The following MTFR1L variants were observed in gnomAD, a reference collection of about 807,000 sequenced individuals.
MTFR1L encodes the protein mitochondrial fission regulator 1 like, also known as mitochondrial fission regulator 1-like.
A neutral mutation model predicts 27.9 loss-of-function variants in MTFR1L; 10 were observed. The ratio of observed to expected loss-of-function variants is 0.36; its 90% confidence interval spans 0.22 to 0.61. The LOEUF is 0.61. Among genes scored for constraint, MTFR1L ranks in the 20% least tolerant of loss-of-function variants. The pLI is 0.73. For synonymous variants in MTFR1L, 151 were observed against 139.4 expected (o/e 1.08, Z -0.58); for missense variants, 315 against 363.7 (o/e 0.87, Z 1.09).
In MTFR1L at chr1:25,826,400, T is replaced by C. The variant is rs1473166474; in HGVS notation, c.228T>C (p.Tyr76=). The change falls in exon 4 of 7, where the codon TAT becomes TAC. Residue 76 remains tyrosine, a synonymous_variant. Transcript: ENST00000374303. This position sits in a 1 kb window ranked among gnomAD's most constrained non-coding sequence, Gnocchi z 4.1. ...AWIAADEEET[Y]ARVRSDTRPL... ...TTGCTGCGGATGAAGAGGAGACATATGCCCGGGTCAGGTAGTTGAGGCAGT... is the reference window on the plus strand; with the variant it reads ...TTGCTGCGGATGAAGAGGAGACATACGCCCGGGTCAGGTAGTTGAGGCAGT... 3.1e-6 allele frequency: 5 copies of C among 1,614,014 alleles called. 1 individual carries two copies. Among genetic ancestry groups the C allele is most frequent in the Non-Finnish European group, 4.2e-6 (5 of 1,180,034 alleles).
chr1:25,819,994 C>T lies in MTFR1L; in HGVS notation c.-122C>T, dbSNP rs951615963. On this transcript the variant is annotated 5_prime_UTR_variant, in exon 1 of 7. Coordinates refer to ENST00000374303, the MANE Select transcript of MTFR1L (RefSeq NM_001099625.2). ...GGGCGGCCCAAGGTGGAAGGAGGGG[C>T]CGTGAGGTGAGAGAGTCCGGGAGCC... 4 of 340,248 alleles carry T rather than the reference C, an allele frequency of 1.2e-5. No homozygotes were observed. The highest frequency in any genetic ancestry group is 4.2e-5 in the Admixed American group (1 of 23,696). The allele number at this position is 340,248 out of a possible 1,614,324, so 21.1% of individuals were successfully genotyped here. A position where few individuals can be genotyped will look rare whatever the true frequency, so the allele number is the denominator to read the frequency against.
chr1:25,830,417 C>G (rs2048223152), intron 6 of MTFR1L, among the ~76,000 whole-genome samples: 1 of 152,162 alleles, frequency 6.6e-6, no homozygotes, highest in Admixed American at 6.5e-5. Context: ...AAAGTAGAAC[C>G]CCAAGGAGTG....
chr1:25,823,071 C>G lies in MTFR1L; in HGVS notation c.-34C>G. 6.2e-7 allele frequency: 1 copy of G among 1,614,178 alleles called. No homozygotes were observed. Among genetic ancestry groups the G allele is most frequent in the Non-Finnish European group, 8.5e-7 (1 of 1,180,030 alleles). On this transcript the variant is annotated 5_prime_UTR_variant, in exon 2 of 7. Transcript: ENST00000374303. ...CCCGCCTCCCGGAGCTGCCCAGTGG[C>G]TGCCTTGTCCTTCAAGTGCAGGAGC...
chr1:25,823,732 C>A lies in MTFR1L; in HGVS notation c.113C>A (p.Ala38Asp). The change falls in exon 3 of 7, where the codon GCC becomes GAC. Residue 38 changes from alanine (A) to aspartate (D), a missense_variant. By Grantham distance (126) the Ala-to-Asp change is moderately radical. Coordinates refer to ENST00000374303, the MANE Select transcript of MTFR1L (RefSeq NM_001099625.2). ...ACCAACCTACCCTTGAAGCCGTGTG[C>A]CCGGGCGTCCTTTGAGGTGAGTATG... ...IGTNLPLKPC[A>D]RASFETLPNI... is the part of the protein sequence containing the mutation. 7 of 1,613,914 alleles carry A rather than the reference C, an allele frequency of 4.3e-6. No homozygotes were observed. Among genetic ancestry groups the A allele is most frequent in the African/African-American group, 1.3e-5 (1 of 75,020 alleles).
At chr1:25,831,536 T>G (rs1489077811) in intron 6 of MTFR1L, among the ~76,000 whole-genome samples, 1 of 152,184 alleles carries the variant, frequency 6.6e-6, no homozygotes, top group Non-Finnish European at 1.5e-5. Context: ...CTGCTGACCC[T>G]CTGGGGAAAT....
rs755790862 is a variant in MTFR1L, at chr1:25,823,004, C to G, written c.-86-15C>G. 1.9e-6 allele frequency: 3 copies of G among 1,606,962 alleles called. No individual in the cohort carries two copies. The highest frequency in any genetic ancestry group is 1.1e-5 in the South Asian group (1 of 90,960). ...GGGGGTTGTTTCACAAGAGGGAAAT[C>G]TGGTGCTCCTCCAGATGGCCTGATA... On this transcript the variant is annotated splice_polypyrimidine_tract_variant and intron_variant, in intron 1 of 6. Coordinates refer to ENST00000374303, the MANE Select transcript of MTFR1L (RefSeq NM_001099625.2).
In MTFR1L at chr1:25,826,270, T is replaced by C. The variant is rs2048166705; in HGVS notation, c.130-32T>C. On this transcript the variant is annotated intron_variant, in intron 3 of 6. Transcript: ENST00000374303. This position sits in a 1 kb window ranked among gnomAD's most constrained non-coding sequence, Gnocchi z 4.1. ...TTTCTGATTGGCTCATCATGGCATCTGTAAATGTTGATGACTTTTGCTTCT... is the reference window on the plus strand; with the variant it reads ...TTTCTGATTGGCTCATCATGGCATCCGTAAATGTTGATGACTTTTGCTTCT... 1 of 1,591,998 alleles carries C rather than the reference T, an allele frequency of 6.3e-7. No individual in the cohort carries two copies.
rs371673961 is a variant in MTFR1L at position 25,823,738 on chromosome 1, C to T, written c.119C>T (p.Ala40Val). The T allele has an allele frequency of 1.2e-5, 19 of 1,613,706 alleles. No individual in the cohort carries two copies. The highest frequency in any genetic ancestry group is 6.7e-5 in the African/African-American group (5 of 74,878). Residue 40 changes from alanine (A) to valine (V), a missense_variant, in exon 3 of 7, where the codon GCG becomes GTG. By Grantham distance (64) the Ala-to-Val change is moderately conservative. Transcript: ENST00000374303. ...TNLPLKPCAR[A>V]SFETLPNISD... is the part of the protein sequence containing the mutation. Reference sequence around the variant, plus strand: ...CTACCCTTGAAGCCGTGTGCCCGGGCGTCCTTTGAGGTGAGTATGTTGGAA... The same window carrying T: ...CTACCCTTGAAGCCGTGTGCCCGGGTGTCCTTTGAGGTGAGTATGTTGGAA...
chr1:25,826,474 G>A lies in MTFR1L; in HGVS notation c.239+63G>A. ...AACTTCCCAGAAGAGGTGGCAGGCA[G>A]CAAGGAGAGAGGAATGAGAACTGTG... On this transcript the variant is annotated intron_variant, in intron 4 of 6. Transcript: ENST00000374303. This position sits in a 1 kb window ranked among gnomAD's most constrained non-coding sequence, Gnocchi z 4.1. The A allele has an allele frequency of 6.3e-7, 1 of 1,592,926 alleles. No individual in the cohort carries two copies. The highest frequency in any genetic ancestry group is 8.6e-7 in the Non-Finnish European group (1 of 1,160,912).
At position 25,826,119 on chromosome 1, in the gene MTFR1L, C is replaced by CCACCA. The variant is rs1232267698; in HGVS notation, c.130-182_130-178dup. ...CAAATGCTGGGATTACAGGTGTGAG[C>CCACCA]CACCATGCCTGACTGTCATCTGGCC... is the stretch of plus-strand genomic sequence containing the variant. On this transcript the variant is annotated intron_variant, in intron 3 of 6. Transcript: ENST00000374303. This position sits in a 1 kb window ranked among gnomAD's most constrained non-coding sequence, Gnocchi z 4.1. 7.1e-6 allele frequency: 4 copies of CCACCA among 564,560 alleles called. No homozygotes were observed. Among genetic ancestry groups the CCACCA allele is most frequent in the African/African-American group, 1.9e-5 (1 of 52,974 alleles). 35.0% of individuals were successfully genotyped at this position (564,560 alleles called of 1,614,324 possible).
At chr1:25,831,092 C>T (rs2048233888) in intron 6 of MTFR1L, among the ~76,000 whole-genome samples, 1 of 152,200 alleles carries the variant, frequency 6.6e-6, no homozygotes, top group South Asian at 2.1e-4. Flanking sequence ...GTCCTCAGAT[C>T]AGAAGGAGCT....
At chr1:25,820,104 CG>C in intron 1 of MTFR1L, 75 bp downstream of exon 1, 1 of 440,700 alleles carries the variant, frequency 2.3e-6, no homozygotes, top group South Asian at 1.6e-5. Flanking sequence ...GTCTACGTGC[CG>C]GGCGCTGTGC....
At chr1:25,820,304 C>T (rs1170645274) in intron 1 of MTFR1L, 1 of 455,898 alleles carries the variant, frequency 2.2e-6, no homozygotes, top group South Asian at 1.5e-5. Flanking sequence ...TGCCCCGCCG[C>T]GCATTCTGAG....
chr1:25,827,544 G>A (rs1049752565), intron 5 of MTFR1L, among the ~76,000 whole-genome samples: 6 of 151,952 alleles, frequency 3.9e-5, no homozygotes, highest in Non-Finnish European at 5.9e-5. Flanking sequence ...AGGCTCAAGC[G>A]ATTCTCGTGC....
At chr1:25,828,227 T>C (rs1407776111) in intron 5 of MTFR1L, among the ~76,000 whole-genome samples, 1 of 152,240 alleles carries the variant, frequency 6.6e-6, no homozygotes, top group Non-Finnish European at 1.5e-5. Context: ...TATGTTTTCT[T>C]ATCTCAAATT....
rs2048255932 is a variant in MTFR1L, at chr1:25,832,302, T to C, written c.*276T>C. On this transcript the variant is annotated 3_prime_UTR_variant, in exon 7 of 7. Transcript: ENST00000374303. The stretch of plus-strand genomic sequence containing the variant: ...TTTAAAGGGTAAGAGAGAAGTTGTT[T>C]CTGGTTTTTCCTTGCCCCTGTGTGA... The C allele has an allele frequency of 7.4e-6, 7 of 951,940 alleles. No individual in the cohort carries two copies. The Admixed American group carries it at 1.5e-4, about 21-fold the overall frequency. 59.0% of individuals were successfully genotyped at this position (951,940 alleles called of 1,614,324 possible).
Position 25,832,092 on chromosome 1 carries a change from C to T in MTFR1L, c.*66C>T, listed in dbSNP as rs754508878. On this transcript the variant is annotated 3_prime_UTR_variant, in exon 7 of 7. Transcript: ENST00000374303. ...TACCTTCAATAGCTGCCTTCCTCACCGCAGATGTTTCTGCCTCTTAAGGAT... is the reference window on the plus strand; with the variant it reads ...TACCTTCAATAGCTGCCTTCCTCACTGCAGATGTTTCTGCCTCTTAAGGAT... The T allele has an allele frequency of 2.3e-4, 367 of 1,612,036 alleles. 1 individual carries two copies. The highest frequency in any genetic ancestry group is 2.9e-4 in the Non-Finnish European group (341 of 1,179,556).
At chr1:25,821,646 C>T (rs1232835396) in intron 1 of MTFR1L, 2 of 152,360 alleles carry the variant, frequency 1.3e-5, no homozygotes, top group Non-Finnish European at 2.9e-5. Flanking sequence ...CCCCAGTGAC[C>T]CGGACCTCAT....
At position 25,826,086 on chromosome 1, in the gene MTFR1L, C is replaced by T. The variant is rs1301171015; in HGVS notation, c.130-216C>T. ...TTGGTCTCAAGCATTCTGCCTGCCT[C>T]GGCCTCCCAAATGCTGGGATTACAG... On this transcript the variant is annotated intron_variant, in intron 3 of 6. Transcript: ENST00000374303. This position sits in a 1 kb window ranked among gnomAD's most constrained non-coding sequence, Gnocchi z 4.1. 9 of 504,272 alleles carry T rather than the reference C, an allele frequency of 1.8e-5. No individual in the cohort carries two copies. Among genetic ancestry groups the T allele is most frequent in the South Asian group, 4.7e-5 (2 of 42,294 alleles). The allele number at this position is 504,272 out of a possible 1,614,324, so 31.2% of individuals were successfully genotyped here.
Sources: allele counts gnomAD v4.1 joint callset (sites outside exome capture counted in the v4.1 genomes callset), GRCh38; gene constraint gnomAD v4.1.1; non-coding constraint Gnocchi (gnomAD v3.1); transcripts MANE v1.5; gene names NCBI Gene and HGNC (gene_info 2026-07-23, HGNC 2026-07-21).